The following SLCO1A2 variants were observed in gnomAD, a reference collection of about 807,000 sequenced individuals.
SLCO1A2 encodes the protein solute carrier organic anion transporter family member 1A2.
A neutral mutation model predicts 69.0 loss-of-function variants in SLCO1A2; 67 were observed. The ratio of observed to expected loss-of-function variants is 0.97; its 90% CI spans 0.80 to 1.19. The LOEUF (loss-of-function observed/expected upper bound fraction) is 1.19, where lower values mean the gene tolerates loss of function less well. Among genes scored for constraint, SLCO1A2 ranks in the 50% most tolerant of loss-of-function variants. The pLI, the probability that SLCO1A2 is intolerant of heterozygous loss-of-function variation, is 0.00. For missense variants in SLCO1A2, 787 were observed against 793.7 expected (o/e 0.99, Z 0.10); for synonymous variants, 260 against 265.9 (o/e 0.98, Z 0.22).
chr12:21,412,029 T>C (rs1394809194), intron 1 of SLCO1A2, among the ~76,000 whole-genome samples: 1 of 152,168 alleles, frequency 6.6e-6, no homozygotes, highest in Non-Finnish European at 1.5e-5. Context: ...TAGTATTTTC[T>C]TAATATGTTT....
chr12:21,357,308 G>T (rs1938445985), intron 2 of SLCO1A2, among the ~76,000 whole-genome samples: 1 of 152,158 alleles, frequency 6.6e-6, no homozygotes, highest in African/African-American at 2.4e-5. Flanking sequence ...CACACACAGG[G>T]ATAATGCCTC....
chr12:21,306,433 C>G (rs1218278134), intron 5 of SLCO1A2, among the ~76,000 whole-genome samples: 1 of 152,056 alleles, frequency 6.6e-6, no homozygotes, highest in Non-Finnish European at 1.5e-5. Context: ...TTAAGCGATC[C>G]TCCAGCCTCG....
chr12:21,364,075 C>A (rs538179589), intron 2 of SLCO1A2, among the ~76,000 whole-genome samples: 4 of 152,272 alleles, frequency 2.6e-5, no homozygotes, highest in Middle Eastern at 3.4e-3. Context: ...GATACCAAAG[C>A]CTGGCAGAAA....
At chr12:21,358,014 G>A (rs1938511273) in intron 2 of SLCO1A2, among the ~76,000 whole-genome samples, 1 of 152,090 alleles carries the variant, frequency 6.6e-6, no homozygotes, top group Admixed American at 6.6e-5. Context: ...CGTGAGGTGG[G>A]GCAGGGTGGA....
At chr12:21,381,095 G>GA (rs1254442402) in intron 1 of SLCO1A2, among the ~76,000 whole-genome samples, 1 of 151,796 alleles carries the variant, frequency 6.6e-6, no homozygotes, top group Non-Finnish European at 1.5e-5. Context: ...TACACTATGA[G>GA]AAAAAATGAC....
rs142898452 is a variant in SLCO1A2 at position 21,357,246 on chromosome 12, GTATAA to G, written c.-63+17148_-63+17152del. 6.8e-3 allele frequency among the ~76,000 whole-genome samples: 1,029 copies of G among 152,260 alleles called. 9 individuals carry two copies. Among genetic ancestry groups the G allele is most frequent in the African/African-American group, 0.023 (976 of 41,560 alleles). ...CATACTGAGATACTTTGAGACCCTA[GTATAA>G]TATAACTGGTGGACGTATAAAAAGG... On this transcript the variant is annotated intron_variant, in intron 2 of 15. Coordinates refer to the SLCO1A2 transcript ENST00000307378.
At chr12:21,417,429 T>C (rs945324744) in intron 1 of SLCO1A2, among the ~76,000 whole-genome samples, 1 of 148,382 alleles carries the variant, frequency 6.7e-6, no homozygotes, top group African/African-American at 2.5e-5. Flanking sequence ...TTTTTTAAAT[T>C]ACATATTTCA....
intron 2 of SLCO1A2, among the ~76,000 whole-genome samples, chr12:21,363,794 T>C (rs1939139910): frequency 6.6e-6 from 1 of 152,196 alleles, no homozygotes; most frequent in Non-Finnish European, 1.5e-5. Flanking sequence ...CTAGAAAATC[T>C]AGAAGAAATG....
chr12:21,319,692 T>G, intron 2 of SLCO1A2: 1 of 328,344 alleles, frequency 3.0e-6, no homozygotes, highest in Non-Finnish European at 6.0e-6. Flanking sequence ...TTATCCTTAC[T>G]GCTTGCCTAA....
At position 21,274,451 on chromosome 12, in the gene SLCO1A2, A is replaced by G. The variant is rs1377336926; in HGVS notation, c.1793+18T>C. On this transcript the variant is annotated intron_variant, in intron 14 of 14. Transcript: ENST00000683939. ...GTCTATGCTTATAAAACAATTTTAA[A>G]CAAATTATTATCTTTACCTGAAGGT... The G allele has an allele frequency of 6.6e-7, 1 of 1,519,806 alleles. No individual in the cohort carries two copies. Among genetic ancestry groups the G allele is most frequent in the Admixed American group, 1.7e-5 (1 of 59,822 alleles). 94.1% of individuals were successfully genotyped at this position (1,519,806 alleles called of 1,614,324 possible). A position where few individuals can be genotyped will look rare whatever the true frequency, so the allele number is the denominator to read the frequency against.
chr12:21,375,658 C>A (rs571810629), intron 1 of SLCO1A2, among the ~76,000 whole-genome samples: 7 of 152,284 alleles, frequency 4.6e-5, no homozygotes, highest in African/African-American at 1.7e-4. Flanking sequence ...GATCTCCCTG[C>A]AGGAGCTCAC....
intron 2 of SLCO1A2, among the ~76,000 whole-genome samples, chr12:21,364,057 A>G (rs1236307323): frequency 6.6e-6 from 1 of 152,246 alleles, no homozygotes; most frequent in African/African-American, 2.4e-5. Context: ...TGAGGCCAGC[A>G]TCATCCTGAT....
chr12:21,418,435 AT>A (rs1942022465), upstream of SLCO1A2, among the ~76,000 whole-genome samples: 1 of 151,492 alleles, frequency 6.6e-6, no homozygotes, highest in East Asian at 1.9e-4. Context: ...TGATAATGAC[AT>A]ACCTGAGACT....
chr12:21,323,325 G>A (rs1040931080), intron 2 of SLCO1A2, among the ~76,000 whole-genome samples: 2 of 152,170 alleles, frequency 1.3e-5, no homozygotes, highest in African/African-American at 4.8e-5. Flanking sequence ...GGAAGGCCAA[G>A]GTGTGTTCAT....
At chr12:21,270,186 A>C (rs903913504) in intron 14 of SLCO1A2, among the ~76,000 whole-genome samples, 1 of 151,824 alleles carries the variant, frequency 6.6e-6, no homozygotes, top group African/African-American at 2.4e-5. Flanking sequence ...CAGATTAAGG[A>C]AGTTATTTTC....
At chr12:21,315,850 G>C (rs889776852) in intron 3 of SLCO1A2, among the ~76,000 whole-genome samples, 2 of 152,298 alleles carry the variant, frequency 1.3e-5, no homozygotes, top group East Asian at 1.9e-4. Flanking sequence ...CCTTCTTCAC[G>C]TAAGAGTGAG....
Position 21,264,704 on chromosome 12 carries a change from C to T in SLCO1A2, c.*4844G>A, listed in dbSNP as rs574101808. On this transcript the variant is annotated 3_prime_UTR_variant, in exon 15 of 15. Coordinates refer to ENST00000683939, the MANE Select transcript of SLCO1A2 (RefSeq NM_001386879.1). ...CTTACAGGATTATGCAATAGTGTCTCACACAGAAATGACTCCAAAGCTCTC... is the reference window on the plus strand; with the variant it reads ...CTTACAGGATTATGCAATAGTGTCTTACACAGAAATGACTCCAAAGCTCTC... The T allele has an allele frequency of 6.6e-6, 1 of 152,218 alleles. No individual in the cohort carries two copies. The highest frequency in any genetic ancestry group is 1.5e-5 in the Non-Finnish European group (1 of 68,016). 9.4% of individuals were successfully genotyped at this position (152,218 alleles called of 1,614,324 possible). A position where few individuals can be genotyped will look rare whatever the true frequency, so the allele number is the denominator to read the frequency against.
chr12:21,302,419 CT>C (rs1255371337), intron 6 of SLCO1A2, among the ~76,000 whole-genome samples: 3 of 152,098 alleles, frequency 2.0e-5, no homozygotes, highest in Non-Finnish European at 4.4e-5. Flanking sequence ...ACTATTCCTT[CT>C]TTGATTTTCC....
intron 1 of SLCO1A2, among the ~76,000 whole-genome samples, chr12:21,389,147 G>A (rs934554415): frequency 5.9e-5 from 9 of 152,098 alleles, no homozygotes; most frequent in African/African-American, 2.2e-4. Flanking sequence ...GGGTCACTGT[G>A]ACCAGTAATC....
Sources: gnomAD v4.1 joint callset for allele counts (sites outside exome capture counted in the v4.1 genomes callset) on GRCh38, gnomAD v4.1.1 for gene constraint, MANE v1.5 for transcripts, NCBI Gene and HGNC (gene_info 2026-07-23, HGNC 2026-07-21) for gene names.